EXOC6B: variants seen among roughly 807,000 people sequenced by gnomAD.
The protein encoded by EXOC6B is exocyst complex component 6B.
EXOC6B carries 54 observed loss-of-function variants against 113.5 expected under a neutral mutation model. The ratio of observed to expected loss-of-function variants is 0.48; its 90% CI spans 0.38 to 0.60. The LOEUF (loss-of-function observed/expected upper bound fraction) is 0.60. Ranked by LOEUF, EXOC6B falls within the 20% of genes least tolerant of loss-of-function variation. EXOC6B has a pLI of 0.00. For missense variants in EXOC6B, 797 were observed against 977.5 expected, an observed-to-expected ratio of 0.82 and a Z score of 2.46; for synonymous variants, 357 against 339.0, an observed-to-expected ratio of 1.05 and a Z score of -0.58.
intron 1 of EXOC6B, among the ~76,000 whole-genome samples, chr2:72,780,132 G>GA (rs1402187753): frequency 6.6e-6 from 1 of 151,870 alleles, no homozygotes; most frequent in Non-Finnish European, 1.5e-5. Flanking sequence ...TCATAATCTG[G>GA]AAAAAAAGGC....
intron 7 of EXOC6B, among the ~76,000 whole-genome samples, chr2:72,569,434 A>C (rs1432509707): frequency 6.6e-6 from 1 of 152,058 alleles, no homozygotes; most frequent in Admixed American, 6.6e-5. Context: ...TTTTGTCATC[A>C]CATTTAAACC....
rs1367913805 is a variant in EXOC6B at position 72,480,709 on chromosome 2, G to T, written c.1707C>A (p.Ser569=). The T allele has an allele frequency of 1.3e-6, 2 of 1,597,816 alleles. No homozygotes were observed. The highest frequency in any genetic ancestry group is 1.7e-6 in the Non-Finnish European group (2 of 1,171,246). Residue 569 remains serine (S), a synonymous_variant, in exon 17 of 22, where the codon TCC becomes TCA. Coordinates refer to ENST00000272427, the MANE Select transcript of EXOC6B (RefSeq NM_015189.3). ...TGATAAATTCTTCCAAGTACTTACA[G>T]GATTTCTCCAAATGTGTTGTATTGA... ...IIINTTHLEK[S]CKYLEEFITN... is the part of the protein sequence containing the mutation.
chr2:72,730,579 GAC>G (rs3034987), intron 5 of EXOC6B, among the ~76,000 whole-genome samples: 4,845 of 144,506 alleles, frequency 0.034, 90 homozygotes, highest in African/African-American at 0.05. Context: ...AACAGACAGA[GAC>G]ACACACACAC....
chr2:72,681,778 A>T (rs895974971), intron 6 of EXOC6B, among the ~76,000 whole-genome samples: 2 of 152,162 alleles, frequency 1.3e-5, no homozygotes, highest in African/African-American at 4.8e-5. Flanking sequence ...ATAGTTGGTA[A>T]GAAAGGGGAT....
Position 72,338,224 on chromosome 2 carries a change from G to A in EXOC6B, c.2123-3204C>T, listed in dbSNP as rs72912266. 2.0e-3 allele frequency among the ~76,000 whole-genome samples: 307 copies of A among 152,284 alleles called. 1 individual carries two copies. The highest frequency in any genetic ancestry group is 7.3e-3 in the African/African-American group (302 of 41,566). ...ACAGCATTCCTTACAGTGCTGCTAT[G>A]AGGATTAAACAGAATAACACATGTA... On this transcript the variant is annotated intron_variant, in intron 19 of 21. Coordinates refer to ENST00000272427, the MANE Select transcript of EXOC6B (RefSeq NM_015189.3).
chr2:72,497,799 G>C (rs746565439), intron 13 of EXOC6B, among the ~76,000 whole-genome samples: 1 of 152,146 alleles, frequency 6.6e-6, no homozygotes, highest in Non-Finnish European at 1.5e-5. Context: ...AAGTAAAGGA[G>C]TAAAGGTATA....
intron 20 of EXOC6B, among the ~76,000 whole-genome samples, chr2:72,284,523 T>G (rs1685309628): frequency 6.6e-6 from 1 of 152,006 alleles, no homozygotes; most frequent in Non-Finnish European, 1.5e-5. Flanking sequence ...TACTAAATGG[T>G]GAGAAACTAT....
intron 6 of EXOC6B, among the ~76,000 whole-genome samples, chr2:72,576,168 G>A (rs1704841548): frequency 6.6e-6 from 1 of 152,094 alleles, no homozygotes; most frequent in Non-Finnish European, 1.5e-5. Flanking sequence ...AAACAGTTAT[G>A]TGGATATAAG....
At chr2:72,498,614 T>G (rs1288237372) in intron 12 of EXOC6B, 63 bp from the exon 13 acceptor site, 1 of 1,137,376 alleles carries the variant, frequency 8.8e-7, no homozygotes, top group African/African-American at 1.6e-5. Flanking sequence ...CGGTTTTTTT[T>G]TTTTTTGGCA....
intron 1 of EXOC6B, among the ~76,000 whole-genome samples, chr2:72,766,729 G>A (rs1266162117): frequency 1.3e-5 from 2 of 151,960 alleles, no homozygotes; most frequent in Non-Finnish European, 2.9e-5. Flanking sequence ...TGAGGCAAGT[G>A]GATCATTTGA....
intron 18 of EXOC6B, among the ~76,000 whole-genome samples, chr2:72,436,170 T>C (rs1418703748): frequency 6.6e-6 from 1 of 152,218 alleles, no homozygotes; most frequent in Non-Finnish European, 1.5e-5. Flanking sequence ...TTAGTTTGGC[T>C]GGATATGAAA....
chr2:72,435,970 T>C (rs1216827248), intron 18 of EXOC6B, among the ~76,000 whole-genome samples: 1 of 152,206 alleles, frequency 6.6e-6, no homozygotes, highest in African/African-American at 2.4e-5. Context: ...TGCACATTAG[T>C]TGATGCAGTT....
intron 18 of EXOC6B, among the ~76,000 whole-genome samples, chr2:72,454,297 A>C (rs1451791272): frequency 6.6e-6 from 1 of 152,164 alleles, no homozygotes; most frequent in South Asian, 2.1e-4. Context: ...TGAGCCCAGA[A>C]GTTCAAGACC....
At chr2:72,790,362 C>T (rs1427305332) in intron 1 of EXOC6B, among the ~76,000 whole-genome samples, 2 of 152,096 alleles carry the variant, frequency 1.3e-5, no homozygotes, top group African/African-American at 2.4e-5. Flanking sequence ...TCATCTAAAT[C>T]GAAATGAGAA....
chr2:72,435,374 A>G (rs1420037894), intron 18 of EXOC6B, among the ~76,000 whole-genome samples: 2 of 151,924 alleles, frequency 1.3e-5, no homozygotes, highest in South Asian at 2.1e-4. Context: ...AGAAGAGTGT[A>G]TATTCTGTTG....
At chr2:72,189,235 C>G (rs1047181860) in intron 20 of EXOC6B, among the ~76,000 whole-genome samples, 4 of 152,118 alleles carry the variant, frequency 2.6e-5, no homozygotes, top group Admixed American at 1.3e-4. Flanking sequence ...TACAACCTTT[C>G]TTTTTCTTAT....
chr2:72,183,669 G>C (rs1678234880), intron 21 of EXOC6B, among the ~76,000 whole-genome samples: 1 of 152,096 alleles, frequency 6.6e-6, no homozygotes, highest in South Asian at 2.1e-4. Context: ...GAAACCATCT[G>C]TTCTGTGGAG....
At chr2:72,549,825 G>A (rs1312364353) in intron 8 of EXOC6B, among the ~76,000 whole-genome samples, 2 of 152,124 alleles carry the variant, frequency 1.3e-5, no homozygotes, top group Non-Finnish European at 2.9e-5. Context: ...CTAAGAAGAA[G>A]AAAAGCTCAC....
chr2:72,693,228 C>T (rs1475903002), intron 6 of EXOC6B, among the ~76,000 whole-genome samples: 3 of 151,600 alleles, frequency 2.0e-5, no homozygotes, highest in African/African-American at 7.3e-5. Context: ...AAAAGCAAAA[C>T]AGACTCAGAT....
Sources: allele counts gnomAD v4.1 joint callset (sites outside exome capture counted in the v4.1 genomes callset), GRCh38; gene constraint gnomAD v4.1.1; transcripts MANE v1.5; gene names NCBI Gene and HGNC (gene_info 2026-07-23, HGNC 2026-07-21).